The following FAM110C variants were observed in gnomAD, a reference collection of about 807,000 sequenced individuals.
The protein encoded by FAM110C is family with sequence similarity 110 member C.
Under a neutral mutation model 15.7 loss-of-function variants are expected in FAM110C, and 19 were observed. That is an observed-to-expected ratio of 1.21 (90% confidence interval 0.85 to 1.78). The LOEUF (loss-of-function observed/expected upper bound fraction) is 1.78. Ranked by LOEUF, FAM110C falls within the 40% of genes most tolerant of loss-of-function variation. The probability of loss-of-function intolerance (pLI) is 0.00; values close to 1 mark genes in which losing one functional copy is unlikely to be tolerated. For synonymous variants in FAM110C, 275 were observed against 233.9 expected, an observed-to-expected ratio of 1.18 and a Z score of -1.61; for missense variants, 547 against 495.7, an observed-to-expected ratio of 1.10 and a Z score of -0.98.
Position 41,414 on chromosome 2 carries a change from CT to C in FAM110C, c.*193del. 1 of 515,262 alleles carries C rather than the reference CT, an allele frequency of 1.9e-6. No individual in the cohort carries two copies. Among genetic ancestry groups the C allele is most frequent in the Non-Finnish European group, 3.3e-6 (1 of 303,462 alleles). 31.9% of individuals were successfully genotyped at this position (515,262 alleles called of 1,614,324 possible). A position where few individuals can be genotyped will look rare whatever the true frequency, so the allele number is the denominator to read the frequency against. On this transcript the variant is annotated 3_prime_UTR_variant, in exon 2 of 2. Transcript: ENST00000327669. ...AGGAAGACACCTCTTGGAGTTTCAG[CT>C]GTTACAACTCAGCTAAATTTCAAGG...
intron 1 of FAM110C, chr2:42,067 G>T: frequency 2.0e-6 from 2 of 985,404 alleles, no homozygotes; most frequent in Non-Finnish European, 2.4e-6. Context: ...CCAGGCGCGG[G>T]TCACACGACA....
intron 1 of FAM110C, chr2:44,472 T>G: frequency 1.0e-6 from 1 of 985,374 alleles, no homozygotes; most frequent in Non-Finnish European, 1.2e-6. Context: ...CAGAAAATAA[T>G]TTCATCTCAT....
Position 46,196 on chromosome 2 carries a change from CGCTGCCCTCGGAAGCGACGCCCCG to C in FAM110C, c.166_189del (p.Arg56_Ser63del), listed in dbSNP as rs1475523539. 7.3e-7 allele frequency: 1 copy of C among 1,378,454 alleles called. No homozygotes were observed. The highest frequency in any genetic ancestry group is 9.3e-7 in the Non-Finnish European group (1 of 1,073,142). 85.4% of individuals were successfully genotyped at this position (1,378,454 alleles called of 1,614,324 possible). A position where few individuals can be genotyped will look rare whatever the true frequency, so the allele number is the denominator to read the frequency against. ...CCCGGGCACTTGATCGCCCCCGGGC[CGCTGCCCTCGGAAGCGACGCCCCG>C]GCCAGTCCCCGGCCGACCCCGCACA... On this transcript the variant is annotated inframe_deletion, in exon 1 of 2. Coordinates refer to ENST00000327669, the MANE Select transcript of FAM110C (RefSeq NM_001077710.3).
Position 46,227 on chromosome 2 carries a change from C to T in FAM110C, c.159G>A (p.Gly53=), listed in dbSNP as rs1186628860. ...DRAKYVRGRP[G]TGRGVASEGS... Reference sequence around the variant, plus strand: ...CCTCGGAAGCGACGCCCCGGCCAGTCCCCGGCCGACCCCGCACATACTTGG... The same window carrying T: ...CCTCGGAAGCGACGCCCCGGCCAGTTCCCGGCCGACCCCGCACATACTTGG... Residue 53 remains glycine (G), a synonymous_variant, in exon 1 of 2, where the codon GGG becomes GGA. Coordinates refer to ENST00000327669, the MANE Select transcript of FAM110C (RefSeq NM_001077710.3). The T allele has an allele frequency of 7.1e-7, 1 of 1,399,860 alleles. No individual in the cohort carries two copies. Among genetic ancestry groups the T allele is most frequent in the Admixed American group, 3.1e-5 (1 of 32,148 alleles). The allele number at this position is 1,399,860 out of a possible 1,614,324, so 86.7% of individuals were successfully genotyped here.
Position 41,820 on chromosome 2 carries a change from C to T in FAM110C, c.947-193G>A, listed in dbSNP as rs2103269471. ...ACTTTATTAAATACAGCTATCATCT[C>T]GTTTCTCTGGCAGAACAAATTCCAT... On this transcript the variant is annotated intron_variant, in intron 1 of 1. Transcript: ENST00000327669. 5.1e-6 allele frequency: 5 copies of T among 985,370 alleles called. No individual in the cohort carries two copies. In the South Asian group the frequency reaches 1.4e-4, roughly 28 times the overall value. 61.0% of individuals were successfully genotyped at this position (985,370 alleles called of 1,614,324 possible). A position where few individuals can be genotyped will look rare whatever the true frequency, so the allele number is the denominator to read the frequency against.
Position 45,821 on chromosome 2 carries a change from G to C in FAM110C, c.565C>G (p.Pro189Ala), listed in dbSNP as rs750826407. 6.5e-7 allele frequency: 1 copy of C among 1,544,496 alleles called. No individual in the cohort carries two copies. The highest frequency in any genetic ancestry group is 8.7e-7 in the Non-Finnish European group (1 of 1,149,082). ...AGCCCCCGACGCCTCACCACCCGCG[G>C]CTCTGGCCCAGGGGGCGCGGCCGGG... The part of the protein sequence containing the change: ...SVPAAPPGPE[P>A]RVVRRRGLQR... Residue 189 changes from proline to alanine, a missense_variant, in exon 1 of 2, where the codon CCG (proline) becomes GCG (alanine). Transcript: ENST00000327669.
At chr2:44,089 T>C (rs1572062678) in intron 1 of FAM110C, 1 of 985,426 alleles carries the variant, frequency 1.0e-6, no homozygotes, top group Non-Finnish European at 1.2e-6. Context: ...CATGGTGCCA[T>C]CATGGAAATA....
intron 1 of FAM110C, chr2:43,543 A>T: frequency 1.0e-6 from 1 of 985,438 alleles, no homozygotes; most frequent in Non-Finnish European, 1.2e-6. Flanking sequence ...CATAGGTCCA[A>T]GCCTAAAAGG....
At chr2:43,727 C>T (rs1558181127) in intron 1 of FAM110C, 2 of 985,234 alleles carry the variant, frequency 2.0e-6, no homozygotes, top group Non-Finnish European at 2.4e-6. Flanking sequence ...TTATTACCTC[C>T]CCACTATTTA....
chr2:45,732 G>A lies in FAM110C; in HGVS notation c.654C>T (p.Phe218=). 2 of 1,598,466 alleles carry A rather than the reference G, an allele frequency of 1.3e-6. No homozygotes were observed. The highest frequency in any genetic ancestry group is 1.7e-6 in the Non-Finnish European group (2 of 1,173,916). ...YSAALAESDT[F]FQYCGLDPEV... ...CGGGGTCCAGGCCGCAGTACTGGAA[G>A]AAGGTGTCAGACTCGGCCAAGGCAG... The change falls in exon 1 of 2, where the codon TTC becomes TTT. Residue 218 remains phenylalanine, a synonymous_variant. Coordinates refer to ENST00000327669, the MANE Select transcript of FAM110C (RefSeq NM_001077710.3).
rs1202513369 is a variant in FAM110C, at chr2:43,078, GC to G, written c.947-1452del. On this transcript the variant is annotated intron_variant, in intron 1 of 1. Coordinates refer to ENST00000327669, the MANE Select transcript of FAM110C (RefSeq NM_001077710.3). ...AGCTGTGAAGGGGCTAAGGTCATGA[GC>G]AGACACTGTTCCGGTGATCTGGAGA... 62 of 985,534 alleles carry G rather than the reference GC, an allele frequency of 6.3e-5. No individual in the cohort carries two copies. The African/African-American group carries it at 1.0e-3, about 17-fold the overall frequency. 61.0% of individuals were successfully genotyped at this position (985,534 alleles called of 1,614,324 possible).
rs776805931 is a variant in FAM110C, at chr2:41,619, G to A, written c.955C>T (p.Pro319Ser). 6.2e-7 allele frequency: 1 copy of A among 1,613,464 alleles called. No homozygotes were observed. Among genetic ancestry groups the A allele is most frequent in the Admixed American group, 1.7e-5 (1 of 59,844 alleles). ...TCAAGAAGTCTTCATCATCGGGAAG[G>A]TTTGCTTCCTGAGGAGTTAAAGAAA... is the stretch of plus-strand genomic sequence containing the variant. ...QEQSRTRGSK[P>S]SR The change falls in exon 2 of 2, where the codon CCT becomes TCT. Residue 319 changes from proline (P) to serine (S), a missense_variant. Coordinates refer to ENST00000327669, the MANE Select transcript of FAM110C (RefSeq NM_001077710.3).
At position 41,594 on chromosome 2, in the gene FAM110C, T is replaced by A. The variant is rs1664126143; in HGVS notation, c.*14A>T. On this transcript the variant is annotated 3_prime_UTR_variant, in exon 2 of 2. Coordinates refer to ENST00000327669, the MANE Select transcript of FAM110C (RefSeq NM_001077710.3). ...GATCCCAAATCACCCATGAAATCCT[T>A]CAAGAAGTCTTCATCATCGGGAAGG... 1 of 1,613,742 alleles carries A rather than the reference T, an allele frequency of 6.2e-7. No homozygotes were observed. The highest frequency in any genetic ancestry group is 1.1e-5 in the South Asian group (1 of 91,024).
chr2:41,680 G>C (rs769372062), intron 1 of FAM110C, 53 bp from the exon 2 acceptor site: 77 of 1,610,368 alleles, frequency 4.8e-5, no homozygotes, highest in Non-Finnish European at 6.4e-5. Flanking sequence ...ACAAAAGTTA[G>C]TATAATGAAA....
At position 45,711 on chromosome 2, in the gene FAM110C, G is replaced by A; in HGVS notation, c.675C>T (p.Asp225=). The change falls in exon 1 of 2, where the codon GAC becomes GAT. Residue 225 remains aspartate, a synonymous_variant. Coordinates refer to ENST00000327669, the MANE Select transcript of FAM110C (RefSeq NM_001077710.3). ...TCCCCAGGGCCTCCACCACCTCGGG[G>A]TCCAGGCCGCAGTACTGGAAGAAGG... ...SDTFFQYCGL[D]PEVVEALGRE... is the part of the protein sequence containing the mutation. 6.2e-7 allele frequency: 1 copy of A among 1,602,546 alleles called. No homozygotes were observed.
Position 45,464 on chromosome 2 carries a change from T to TG in FAM110C, c.921dup (p.Ser308GlnfsTer20). ...CCTCGGGTCCGGCTCTGCTCCTGGC[T>TG]GGGGGTCTCCTTGGCCTTCTTACAG... On this transcript the variant is annotated frameshift_variant, in exon 1 of 2. Transcript: ENST00000327669. LOFTEE classifies it low-confidence loss of function (END_TRUNC). The TG allele has an allele frequency of 1.2e-6, 2 of 1,612,930 alleles. No individual in the cohort carries two copies. Among genetic ancestry groups the TG allele is most frequent in the South Asian group, 1.1e-5 (1 of 91,026 alleles).
chr2:42,254 G>T (rs904642689), intron 1 of FAM110C: 1 of 985,264 alleles, frequency 1.0e-6, no homozygotes, highest in African/African-American at 1.7e-5. Context: ...CTTTCGATGC[G>T]CTTCTACAGG....
Position 45,489 on chromosome 2 carries a change from G to A in FAM110C, c.897C>T (p.Thr299=), listed in dbSNP as rs764968664. 2.5e-5 allele frequency: 40 copies of A among 1,613,984 alleles called. No homozygotes were observed. The highest frequency in any genetic ancestry group is 1.0e-4 in the Admixed American group (6 of 60,002). The part of the protein sequence containing the change: ...RNARIIKWLY[T]CKKAKETPSQ... ...TGGGGGTCTCCTTGGCCTTCTTACA[G>A]GTGTACAGCCACTTGATGATGCGGG... The change falls in exon 1 of 2, where the codon ACC becomes ACT. Residue 299 remains threonine (T), a synonymous_variant. Coordinates refer to ENST00000327669, the MANE Select transcript of FAM110C (RefSeq NM_001077710.3).
chr2:43,743 C>G (rs749156468), intron 1 of FAM110C: 1 of 985,300 alleles, frequency 1.0e-6, no homozygotes, highest in African/African-American at 1.7e-5. Flanking sequence ...ATTTATACCA[C>G]CAAGTCTACC....
Sources: gnomAD v4.1 joint callset for allele counts on GRCh38, gnomAD v4.1.1 for gene constraint, MANE v1.5 for transcripts, NCBI Gene and HGNC (gene_info 2026-07-23, HGNC 2026-07-21) for gene names.